MAML2: variants seen among roughly 807,000 people sequenced by gnomAD.
MAML2 encodes the protein mastermind like transcriptional coactivator 2.
In MAML2, 22 loss-of-function variants were observed where a neutral mutation model predicts 96.1. The ratio of observed to expected loss-of-function variants is 0.23; its 90% CI spans 0.16 to 0.33. The LOEUF is 0.33. Among genes scored for constraint, MAML2 ranks in the 10% least tolerant of loss-of-function variants. MAML2 has a pLI of 1.00. For missense variants in MAML2, 1,367 were observed against 1,392.4 expected (o/e 0.98, Z 0.29); for synonymous variants, 561 against 521.3 (o/e 1.08, Z -1.04).
intron 4 of MAML2, 78 bp from the exon 5 acceptor site, chr11:95,980,041 C>A: frequency 9.3e-7 from 1 of 1,074,782 alleles, no homozygotes; most frequent in South Asian, 1.6e-5. Flanking sequence ...AATAACTCAT[C>A]AATCTGAAAC....
chr11:96,147,573 G>T (rs555979467), intron 1 of MAML2, among the ~76,000 whole-genome samples: 2 of 152,202 alleles, frequency 1.3e-5, no homozygotes, highest in African/African-American at 4.8e-5. Flanking sequence ...ATGAGCAAAG[G>T]CTATGTGCTT....
At chr11:96,302,707 C>T (rs1483025644) in intron 1 of MAML2, among the ~76,000 whole-genome samples, 1 of 152,196 alleles carries the variant, frequency 6.6e-6, no homozygotes, top group East Asian at 1.9e-4. Flanking sequence ...CACAGAAACC[C>T]CAAGTTCTTG....
chr11:96,206,943 C>G (rs16923268), intron 1 of MAML2, among the ~76,000 whole-genome samples: 5 of 152,042 alleles, frequency 3.3e-5, no homozygotes, highest in Non-Finnish European at 5.9e-5. Flanking sequence ...ATATAGACCA[C>G]GATGAAGTGT....
chr11:96,047,421 T>C (rs1203241907), intron 2 of MAML2, among the ~76,000 whole-genome samples: 1 of 152,190 alleles, frequency 6.6e-6, no homozygotes, highest in African/African-American at 2.4e-5. Context: ...TCCTCTTCTT[T>C]AAGTGGGGTT....
At chr11:96,202,638 T>C (rs1227042058) in intron 1 of MAML2, among the ~76,000 whole-genome samples, 2 of 152,116 alleles carry the variant, frequency 1.3e-5, no homozygotes, top group African/African-American at 2.4e-5. Context: ...AATTTTTTTT[T>C]TTTTTTGAAA....
chr11:95,998,039 A>G (rs1172893770), intron 2 of MAML2, among the ~76,000 whole-genome samples: 1 of 152,160 alleles, frequency 6.6e-6, no homozygotes, highest in Admixed American at 6.6e-5. Flanking sequence ...CTCAAACTCT[A>G]TACAGATACT....
chr11:96,161,562 A>C (rs960336259), intron 1 of MAML2, among the ~76,000 whole-genome samples: 5 of 152,156 alleles, frequency 3.3e-5, no homozygotes, highest in African/African-American at 9.7e-5. Flanking sequence ...TGACCCTCCA[A>C]CTGTCTTCCA....
intron 1 of MAML2, among the ~76,000 whole-genome samples, chr11:96,260,874 T>G (rs568999589): frequency 6.6e-6 from 1 of 152,318 alleles, no homozygotes; most frequent in Non-Finnish European, 1.5e-5. Flanking sequence ...AAAAGGTTGT[T>G]TTTTTGTTTT....
intron 1 of MAML2, among the ~76,000 whole-genome samples, chr11:96,123,465 T>C (rs1405549412): frequency 1.3e-5 from 2 of 152,156 alleles, no homozygotes; most frequent in Admixed American, 6.5e-5. Flanking sequence ...CAATTTACCA[T>C]TTGCCTTTGA....
intron 2 of MAML2, among the ~76,000 whole-genome samples, chr11:96,025,445 C>T (rs958001965): frequency 2.0e-5 from 3 of 152,154 alleles, no homozygotes; most frequent in Non-Finnish European, 4.4e-5. Context: ...TATTGGATAC[C>T]ATGCTCACTA....
intron 1 of MAML2, among the ~76,000 whole-genome samples, chr11:96,271,882 TC>T (rs762957106): frequency 1.3e-5 from 2 of 152,242 alleles, no homozygotes; most frequent in African/African-American, 2.4e-5. Context: ...TTCTTTGATA[TC>T]AATTCCCATT....
At chr11:96,007,320 C>A (rs1325152509) in intron 2 of MAML2, among the ~76,000 whole-genome samples, 1 of 151,814 alleles carries the variant, frequency 6.6e-6, no homozygotes, top group Non-Finnish European at 1.5e-5. Flanking sequence ...TGATATCAAT[C>A]ATTTTTAAAG....
In MAML2 at chr11:96,095,094, G is replaced by A. The variant is rs527608047; in HGVS notation, c.514-1577C>T. 5.2e-4 allele frequency among the ~76,000 whole-genome samples: 79 copies of A among 152,260 alleles called. No individual in the cohort carries two copies. In the South Asian group the frequency reaches 0.016, roughly 31 times the overall value. ...TAACTTGCCCAGGGTCACACAGCTAGCAAGTGGGCTTTAACTCAAAGTTTG... is the reference window on the plus strand; with the variant it reads ...TAACTTGCCCAGGGTCACACAGCTAACAAGTGGGCTTTAACTCAAAGTTTG... On this transcript the variant is annotated intron_variant, in intron 1 of 4. Transcript: ENST00000524717.
At chr11:96,317,830 A>G (rs1282374707) in intron 1 of MAML2, among the ~76,000 whole-genome samples, 1 of 152,196 alleles carries the variant, frequency 6.6e-6, no homozygotes, top group Non-Finnish European at 1.5e-5. Flanking sequence ...CTTTGCTGAC[A>G]GATGACTTAT....
chr11:96,066,229 G>A (rs1565203977), intron 2 of MAML2, among the ~76,000 whole-genome samples: 1 of 152,122 alleles, frequency 6.6e-6, no homozygotes, highest in Admixed American at 6.5e-5. Flanking sequence ...AGTGCTGAAG[G>A]GTCCTGTCAC....
chr11:96,014,356 T>A (rs1378879455), intron 2 of MAML2, among the ~76,000 whole-genome samples: 3 of 152,152 alleles, frequency 2.0e-5, no homozygotes, highest in African/African-American at 7.2e-5. Context: ...GCGACAGGGA[T>A]GACACAGTGG....
chr11:96,180,658 C>G (rs1037643962), intron 1 of MAML2, among the ~76,000 whole-genome samples: 2 of 152,176 alleles, frequency 1.3e-5, no homozygotes, highest in Admixed American at 1.3e-4. Context: ...ATTATAGGCT[C>G]AAGGGCAAAA....
chr11:96,335,252 C>T (rs1170280183), intron 1 of MAML2, among the ~76,000 whole-genome samples: 1 of 152,154 alleles, frequency 6.6e-6, no homozygotes, highest in Non-Finnish European at 1.5e-5. Flanking sequence ...TAAAATAATG[C>T]TTTTCTCACG....
intron 1 of MAML2, among the ~76,000 whole-genome samples, chr11:96,295,681 A>AACACACACACAC (rs71745057): frequency 8.8e-5 from 13 of 147,122 alleles, no homozygotes; most frequent in South Asian, 4.4e-4. Flanking sequence ...CTGCTGCTGT[A>AACACACACACAC]ACACACACAC....
Sources: gnomAD v4.1 joint callset for allele counts (sites outside exome capture counted in the v4.1 genomes callset) on GRCh38, gnomAD v4.1.1 for gene constraint, MANE v1.5 for transcripts, NCBI Gene and HGNC (gene_info 2026-07-23, HGNC 2026-07-21) for gene names.